The following STARD13 variants were observed in gnomAD, a reference collection of about 807,000 sequenced individuals.
The protein encoded by STARD13 is stAR-related lipid transfer protein 13.
STARD13 carries 62 observed loss-of-function variants against 106.4 expected under a neutral mutation model. The ratio of observed to expected loss-of-function variants is 0.58; its 90% CI spans 0.48 to 0.72. The LOEUF is 0.72. Ranked by LOEUF, STARD13 falls within the 30% of genes least tolerant of loss-of-function variation. STARD13 has a pLI of 0.00. For synonymous variants in STARD13, 565 were observed against 553.0 expected, an observed-to-expected ratio of 1.02 and a Z score of -0.31; for missense variants, 1,387 against 1,424.0, an observed-to-expected ratio of 0.97 and a Z score of 0.42.
intron 12 of STARD13, among the ~76,000 whole-genome samples, chr13:33,108,274 C>T (rs1456124598): frequency 6.6e-6 from 1 of 152,190 alleles, no homozygotes; most frequent in Non-Finnish European, 1.5e-5. Context: ...TGCCTCCTCA[C>T]CACACTCATC....
At chr13:33,182,827 T>G (rs1885374620) in intron 1 of STARD13, among the ~76,000 whole-genome samples, 1 of 152,166 alleles carries the variant, frequency 6.6e-6, no homozygotes, top group South Asian at 2.1e-4. Flanking sequence ...TTCATTCTCT[T>G]TCAAACTCCT....
the STARD13 span, among the ~76,000 whole-genome samples, chr13:33,650,582 T>C: frequency 2.1e-4 from 32 of 152,332 alleles, no homozygotes; most frequent in South Asian, 6.6e-3. Context: ...TAATCTTTAC[T>C]CTAAAGAAGA....
rs1306429302 is a variant in STARD13, at chr13:33,299,489, C to T, written c.124+50801G>A. ...AAAAGGAACTATTAAAGACATTATTCTTTTCTCAGGATGAAGAGGAAGTGA... is the reference window on the plus strand; with the variant it reads ...AAAAGGAACTATTAAAGACATTATTTTTTTCTCAGGATGAAGAGGAAGTGA... On this transcript the variant is annotated intron_variant, in intron 1 of 5. Transcript: ENST00000567873. Among the ~76,000 whole-genome samples the T allele has an allele frequency of 2.6e-5, 4 of 152,190 alleles. No individual in the cohort carries two copies. In the East Asian group the frequency reaches 7.7e-4, roughly 29 times the overall value.
intron 7 of STARD13, among the ~76,000 whole-genome samples, chr13:33,120,752 C>T (rs375812821): frequency 6.6e-6 from 1 of 151,762 alleles, no homozygotes; most frequent in Non-Finnish European, 1.5e-5. Flanking sequence ...ATTGAGCTAA[C>T]CCTGGAACCG....
chr13:33,526,174 A>G, the STARD13 span, among the ~76,000 whole-genome samples: 2 of 152,008 alleles, frequency 1.3e-5, no homozygotes, highest in South Asian at 4.1e-4. Context: ...AATAATTGTC[A>G]CAATTATTAA....
the STARD13 span, among the ~76,000 whole-genome samples, chr13:33,577,545 G>A: frequency 5.3e-5 from 8 of 152,136 alleles, no homozygotes; most frequent in African/African-American, 1.9e-4. Context: ...ATGAACTCTG[G>A]AATAGAGAAT....
chr13:33,475,328 C>CA, the STARD13 span, among the ~76,000 whole-genome samples: 1 of 152,120 alleles, frequency 6.6e-6, no homozygotes, highest in African/African-American at 2.4e-5. Flanking sequence ...TTATTATTGA[C>CA]AAAAATTTCT....
At chr13:33,135,968 A>T (rs1194664414) in intron 4 of STARD13, among the ~76,000 whole-genome samples, 1 of 152,130 alleles carries the variant, frequency 6.6e-6, no homozygotes, top group Non-Finnish European at 1.5e-5. Flanking sequence ...CTAAAAATAC[A>T]GAAATTAGCC....
chr13:33,288,618 T>TA (rs1237783576), upstream of STARD13, among the ~76,000 whole-genome samples: 505 of 142,650 alleles, frequency 3.5e-3, 3 homozygotes, highest in African/African-American at 8.9e-3. Context: ...ATTCCCTAAT[T>TA]AAAAAAAAAA....
chr13:33,263,837 T>C (rs1890761853), intron 1 of STARD13, among the ~76,000 whole-genome samples: 1 of 152,168 alleles, frequency 6.6e-6, no homozygotes, highest in Non-Finnish European at 1.5e-5. Context: ...GTGTCAAACA[T>C]ATATTTTTTT....
downstream of STARD13, among the ~76,000 whole-genome samples, chr13:33,347,374 T>G (rs539091800): frequency 9.5e-4 from 144 of 152,310 alleles, no homozygotes; most frequent in Non-Finnish European, 1.6e-3. Context: ...TAGCTTGGAT[T>G]ACACATGTGT....
At chr13:33,471,639 T>G in the STARD13 span, among the ~76,000 whole-genome samples, 1 of 152,040 alleles carries the variant, frequency 6.6e-6, no homozygotes, top group Non-Finnish European at 1.5e-5. Context: ...CCCTGTTTTT[T>G]TTTTTTTTTT....
At chr13:33,497,350 T>C in the STARD13 span, among the ~76,000 whole-genome samples, 1 of 152,170 alleles carries the variant, frequency 6.6e-6, no homozygotes, top group African/African-American at 2.4e-5. Context: ...GGACTGTGTA[T>C]AAGGCTGTAC....
the STARD13 span, among the ~76,000 whole-genome samples, chr13:33,531,977 A>G: frequency 2.0e-5 from 3 of 152,174 alleles, no homozygotes; most frequent in Non-Finnish European, 2.9e-5. Context: ...AAGGTTTTGC[A>G]TGTGCTGTCC....
At chr13:33,583,001 C>T in the STARD13 span, among the ~76,000 whole-genome samples, 6 of 152,220 alleles carry the variant, frequency 3.9e-5, no homozygotes, top group Admixed American at 3.9e-4. Flanking sequence ...CTTTTCTCCA[C>T]CTCATCTCCT....
rs564906765 is a variant in STARD13, at chr13:33,238,370, G to A, written c.169+47100C>T. Among the ~76,000 whole-genome samples, 3 of 152,136 alleles carry A rather than the reference G, an allele frequency of 2.0e-5. No homozygotes were observed. In the South Asian group the frequency reaches 6.2e-4, roughly 32 times the overall value. On this transcript the variant is annotated intron_variant, in intron 1 of 13. Transcript: ENST00000336934. ...ACTAAGAACGGCTGCCCAAGAGATT[G>A]GAATAAGGATGGGGTCAAATAAGGT...
intron 1 of STARD13, among the ~76,000 whole-genome samples, chr13:33,303,206 C>T (rs891892285): frequency 5.9e-5 from 9 of 152,134 alleles, no homozygotes; most frequent in Admixed American, 6.6e-5. Flanking sequence ...AGTCATTGGG[C>T]CTTTCACTCT....
chr13:33,359,904 A>G, the STARD13 span, among the ~76,000 whole-genome samples: 2 of 152,190 alleles, frequency 1.3e-5, no homozygotes, highest in Admixed American at 6.5e-5. Flanking sequence ...ACCTCACCTT[A>G]TATTTAAATC....
chr13:33,182,126 A>C (rs1885300221), intron 1 of STARD13, among the ~76,000 whole-genome samples: 1 of 152,254 alleles, frequency 6.6e-6, no homozygotes, highest in Non-Finnish European at 1.5e-5. Context: ...CATCATACAC[A>C]CATAGACTAA....
Sources: allele counts gnomAD v4.1 joint callset (sites outside exome capture counted in the v4.1 genomes callset), GRCh38; gene constraint gnomAD v4.1.1; transcripts MANE v1.5; gene names NCBI Gene and HGNC (gene_info 2026-07-23, HGNC 2026-07-21).